The following PSD3 variants were observed in gnomAD, a reference collection of about 807,000 sequenced individuals.
PSD3 encodes pleckstrin and Sec7 domain containing 3, also known as PH and SEC7 domain-containing protein 3.
Under a neutral mutation model 105.5 loss-of-function variants are expected in PSD3, and 49 were observed. The ratio of observed to expected loss-of-function variants is 0.46; its 90% CI spans 0.37 to 0.59. The LOEUF is 0.59. Ranked by LOEUF, PSD3 falls within the 20% of genes least tolerant of loss-of-function variation. PSD3 has a pLI of 0.00. For synonymous variants in PSD3, 557 were observed against 457.8 expected, an observed-to-expected ratio of 1.22 and a Z score of -2.77; for missense variants, 1,561 against 1,263.8, an observed-to-expected ratio of 1.24 and a Z score of -3.57.
chr8:18,592,601 C>G (rs1803692741), intron 12 of PSD3, among the ~76,000 whole-genome samples: 1 of 151,976 alleles, frequency 6.6e-6, no homozygotes, highest in Non-Finnish European at 1.5e-5. Flanking sequence ...TTGAAAGTAG[C>G]AAAAGAAAAG....
At chr8:18,702,856 C>T (rs1237577475) in intron 9 of PSD3, among the ~76,000 whole-genome samples, 1 of 152,030 alleles carries the variant, frequency 6.6e-6, no homozygotes, top group Non-Finnish European at 1.5e-5. Flanking sequence ...TCATGATCCG[C>T]CCGCCTCAGC....
intron 6 of PSD3, among the ~76,000 whole-genome samples, chr8:18,801,837 A>T (rs1277998600): frequency 6.6e-6 from 1 of 152,186 alleles, no homozygotes; most frequent in Non-Finnish European, 1.5e-5. Flanking sequence ...CAAAAGAAAA[A>T]AAAAATGTCC....
chr8:18,752,623 T>C, intron 9 of PSD3, among the ~76,000 whole-genome samples: 1 of 87,712 alleles, frequency 1.1e-5, no homozygotes, highest in South Asian at 3.1e-4. Context: ...ATATAATATA[T>C]ATTATATATA....
chr8:18,752,559 T>C lies in PSD3; in HGVS notation c.2172+12890A>G, dbSNP rs868249234. 6.3e-4 allele frequency among the ~76,000 whole-genome samples: 45 copies of C among 71,112 alleles called. 2 individuals carry two copies. Among genetic ancestry groups the C allele is most frequent in the South Asian group, 6.0e-3 (18 of 2,992 alleles). The allele number at this position is 71,112 out of a possible 152,430, so 46.7% of individuals were successfully genotyped here. ...ATATTATATATATTATATATAATTATATATATTATATATATAATTATATAT... is the reference window on the plus strand; with the variant it reads ...ATATTATATATATTATATATAATTACATATATTATATATATAATTATATAT... On this transcript the variant is annotated intron_variant, in intron 9 of 15. Transcript: ENST00000327040.
chr8:18,921,203 G>GT lies in PSD3; in HGVS notation c.130+14830dup, dbSNP rs568271805. Among the ~76,000 whole-genome samples the GT allele has an allele frequency of 6.6e-5, 10 of 152,262 alleles. No individual in the cohort carries two copies. In the South Asian group the frequency reaches 2.1e-3, roughly 32 times the overall value. Reference sequence around the variant, plus strand: ...CACTATTAGTATTCAATTGGCAGTGGTTCCTAAGCAGTTCAGCTCTGCATG... The same window carrying GT: ...CACTATTAGTATTCAATTGGCAGTGGTTTCCTAAGCAGTTCAGCTCTGCATG... On this transcript the variant is annotated intron_variant, in intron 2 of 15. Transcript: ENST00000327040.
intron 15 of PSD3, among the ~76,000 whole-genome samples, chr8:18,549,533 TG>T (rs1800644552): frequency 6.6e-6 from 1 of 152,198 alleles, no homozygotes; most frequent in East Asian, 1.9e-4. Flanking sequence ...TATAATCTAA[TG>T]GTGTGCTAAA....
intron 1 of PSD3, among the ~76,000 whole-genome samples, chr8:18,959,862 T>C (rs1315005216): frequency 2.6e-5 from 4 of 152,160 alleles, no homozygotes; most frequent in African/African-American, 9.7e-5. Context: ...GCTGAGGATC[T>C]CCTTCTTACA....
chr8:18,910,774 T>A (rs1385120699), intron 2 of PSD3, among the ~76,000 whole-genome samples: 1 of 151,484 alleles, frequency 6.6e-6, no homozygotes, highest in Non-Finnish European at 1.5e-5. Flanking sequence ...GGAAAAATCA[T>A]ATAGTTTAGT....
Position 18,872,167 on chromosome 8 carries a change from T to G in PSD3, c.697A>C (p.Met233Leu), listed in dbSNP as rs200442632. Residue 233 changes from methionine (M) to leucine (L), a missense_variant, in exon 3 of 16, where the codon ATG becomes CTG. Transcript: ENST00000327040. ...GDTQAEISQI[M>L]NNGRKGAVCV... ...ACAGCCCCTTTCCTCCCATTATTCA[T>G]TATCTGGGAAATCTCTGCCTGAGTG... is the stretch of plus-strand genomic sequence containing the variant. The G allele has an allele frequency of 7.4e-6, 12 of 1,614,170 alleles. No homozygotes were observed. The African/African-American group carries it at 1.2e-4, about 16-fold the overall frequency.
At chr8:18,734,646 T>C (rs768724609) in intron 9 of PSD3, among the ~76,000 whole-genome samples, 1 of 152,182 alleles carries the variant, frequency 6.6e-6, no homozygotes, top group Non-Finnish European at 1.5e-5. Flanking sequence ...TAGCAAGTCA[T>C]GAGGAGACCT....
chr8:18,771,647 C>T (rs1261622700), intron 8 of PSD3, among the ~76,000 whole-genome samples: 3 of 152,186 alleles, frequency 2.0e-5, no homozygotes, highest in African/African-American at 7.2e-5. Flanking sequence ...AATCAACAGA[C>T]CATAAATGTA....
intron 9 of PSD3, among the ~76,000 whole-genome samples, chr8:18,761,872 T>A (rs899381028): frequency 6.6e-6 from 1 of 152,128 alleles, no homozygotes; most frequent in African/African-American, 2.4e-5. Flanking sequence ...CAGTAGCAAA[T>A]TTTTCTGTGT....
intron 1 of PSD3, among the ~76,000 whole-genome samples, chr8:18,967,921 G>C (rs1041202337): frequency 3.9e-5 from 6 of 152,158 alleles, no homozygotes. Context: ...ATTCCTGGGA[G>C]CTGCGAGGAG....
chr8:19,026,571 T>G (rs1334952095), intron 1 of PSD3, among the ~76,000 whole-genome samples: 3 of 151,924 alleles, frequency 2.0e-5, no homozygotes, highest in Non-Finnish European at 4.4e-5. Context: ...TTAATAAATA[T>G]TCACTAAAGG....
At chr8:18,933,211 A>C (rs554991990) in intron 2 of PSD3, among the ~76,000 whole-genome samples, 36 of 152,332 alleles carry the variant, frequency 2.4e-4, no homozygotes, top group Non-Finnish European at 4.0e-4. Flanking sequence ...AAAAGGTTTA[A>C]GGTGTCATTT....
At chr8:18,687,175 A>G (rs1453212757) in intron 9 of PSD3, among the ~76,000 whole-genome samples, 1 of 152,198 alleles carries the variant, frequency 6.6e-6, no homozygotes, top group Non-Finnish European at 1.5e-5. Flanking sequence ...CTTTTAAAGA[A>G]AATTCAGGAT....
chr8:18,905,872 G>C (rs1189803072), intron 2 of PSD3, among the ~76,000 whole-genome samples: 1 of 151,816 alleles, frequency 6.6e-6, no homozygotes, highest in Non-Finnish European at 1.5e-5. Flanking sequence ...TAAAGCAAGT[G>C]GTCTCTTTAC....
upstream of PSD3, chr8:19,084,781 G>C (rs958127342): frequency 3.8e-6 from 1 of 264,138 alleles, no homozygotes; most frequent in Admixed American, 4.9e-5. Flanking sequence ...CCCTGTGTGC[G>C]CCTGAGGTCC....
intron 3 of PSD3, among the ~76,000 whole-genome samples, chr8:18,870,748 A>T (rs1014037910): frequency 5.3e-5 from 8 of 152,138 alleles, no homozygotes; most frequent in African/African-American, 1.9e-4. Context: ...TCCCATGTGA[A>T]TACCAGGGAA....
Sources: allele counts gnomAD v4.1 joint callset (sites outside exome capture counted in the v4.1 genomes callset), GRCh38; gene constraint gnomAD v4.1.1; transcripts MANE v1.5; gene names NCBI Gene and HGNC (gene_info 2026-07-23, HGNC 2026-07-21).